Variants in SNTG2 observed in about 807,000 individuals in gnomAD.
SNTG2 encodes gamma-2-syntrophin.
Under a neutral mutation model 70.9 loss-of-function variants are expected in SNTG2, and 74 were observed. The observed-to-expected ratio is 1.04, with a 90% CI of 0.86 to 1.27. SNTG2 has a LOEUF of 1.27. Among genes scored for constraint, SNTG2 ranks in the 50% most tolerant of loss-of-function variants. The probability of loss-of-function intolerance (pLI) is 0.00; values close to 1 mark genes in which losing one functional copy is unlikely to be tolerated. For missense variants in SNTG2, 717 were observed against 690.7 expected, an observed-to-expected ratio of 1.04 and a Z score of -0.43; for synonymous variants, 278 against 273.8, an observed-to-expected ratio of 1.02 and a Z score of -0.15.
intron 1 of SNTG2, among the ~76,000 whole-genome samples, chr2:1,007,684 G>A (rs188896418): frequency 9.1e-4 from 138 of 152,302 alleles, no homozygotes; most frequent in African/African-American, 3.1e-3. Context: ...CTCAGTAAGC[G>A]TTCAGGTCTA....
intron 1 of SNTG2, among the ~76,000 whole-genome samples, chr2:1,070,722 C>T (rs768869931): frequency 2.0e-5 from 3 of 152,140 alleles, no homozygotes; most frequent in East Asian, 1.9e-4. Flanking sequence ...GTTTAAGGTC[C>T]GGAAAGGAAG....
chr2:1,071,921 C>A (rs1166989647), intron 1 of SNTG2, among the ~76,000 whole-genome samples: 1 of 152,186 alleles, frequency 6.6e-6, no homozygotes, highest in African/African-American at 2.4e-5. Context: ...TAATCCATAG[C>A]AAGGCCCTAA....
At chr2:1,265,506 C>T (rs999447066) in intron 13 of SNTG2, among the ~76,000 whole-genome samples, 1 of 152,210 alleles carries the variant, frequency 6.6e-6, no homozygotes, top group Non-Finnish European at 1.5e-5. Context: ...GCAATGCTCT[C>T]CATGATCAGA....
chr2:1,282,578 A>G (rs1679593028), intron 14 of SNTG2, among the ~76,000 whole-genome samples: 1 of 152,222 alleles, frequency 6.6e-6, no homozygotes, highest in Non-Finnish European at 1.5e-5. Context: ...AGGGGAATCC[A>G]GAGGCAGTAT....
At chr2:1,240,116 C>T (rs888301287) in intron 11 of SNTG2, among the ~76,000 whole-genome samples, 2 of 152,190 alleles carry the variant, frequency 1.3e-5, no homozygotes, top group Admixed American at 6.5e-5. Flanking sequence ...TGAGATGACA[C>T]ACCTGTGTAA....
At chr2:1,164,776 T>C (rs1237245906) in intron 6 of SNTG2, among the ~76,000 whole-genome samples, 30 of 143,172 alleles carry the variant, frequency 2.1e-4, no homozygotes, top group South Asian at 9.3e-4. Flanking sequence ...AGGTAGGAAC[T>C]TGCCCAAACT....
chr2:971,810 T>A (rs1660752420), intron 1 of SNTG2, among the ~76,000 whole-genome samples: 1 of 152,064 alleles, frequency 6.6e-6, no homozygotes, highest in Admixed American at 6.5e-5. Flanking sequence ...TATAAACTTT[T>A]GTCTTAATAC....
chr2:995,881 AG>A (rs923626360), intron 1 of SNTG2, among the ~76,000 whole-genome samples: 1 of 152,218 alleles, frequency 6.6e-6, no homozygotes, highest in Non-Finnish European at 1.5e-5. Flanking sequence ...AAACACAATC[AG>A]GAGGAGAGAG....
intron 2 of SNTG2, among the ~76,000 whole-genome samples, chr2:1,095,301 A>G (rs1336060990): frequency 6.6e-6 from 1 of 152,184 alleles, no homozygotes; most frequent in East Asian, 1.9e-4. Context: ...CTCACAGTAC[A>G]GCTCTCACTT....
intron 16 of SNTG2, among the ~76,000 whole-genome samples, chr2:1,328,794 T>C (rs1175014877): frequency 6.6e-6 from 1 of 151,956 alleles, no homozygotes; most frequent in African/African-American, 2.4e-5. Context: ...AACGTGTGTA[T>C]CCACACACAC....
rs144536914 is a variant in SNTG2, at chr2:1,019,315, G to C, written c.73-64203G>C. The stretch of plus-strand genomic sequence containing the variant: ...TTTAATCCATCAATGAGTGTGTTTA[G>C]AGCAAGAGAGGGACTAGTGATTCCA... On this transcript the variant is annotated intron_variant, in intron 1 of 16. Coordinates refer to ENST00000308624, the MANE Select transcript of SNTG2 (RefSeq NM_018968.4). Among the ~76,000 whole-genome samples the C allele has an allele frequency of 4.3e-3, 657 of 152,330 alleles. 2 individuals are homozygous for C. Among genetic ancestry groups the C allele is most frequent in the Non-Finnish European group, 7.7e-3 (527 of 68,042 alleles).
At chr2:1,215,362 G>T (rs1226737022) in intron 9 of SNTG2, among the ~76,000 whole-genome samples, 1 of 151,934 alleles carries the variant, frequency 6.6e-6, no homozygotes, top group Admixed American at 6.6e-5. Context: ...AAGACATCTG[G>T]TCTTCAGCTT....
chr2:1,361,607 G>A (rs971056210), intron 16 of SNTG2, among the ~76,000 whole-genome samples: 26 of 152,124 alleles, frequency 1.7e-4, no homozygotes, highest in African/African-American at 6.0e-4. Context: ...AGTCACCGAC[G>A]CTGAGCATTT....
At position 1,247,205 on chromosome 2, in the gene SNTG2, C is replaced by T. The variant is rs115162450; in HGVS notation, c.889-122C>T. On this transcript the variant is annotated intron_variant, in intron 11 of 16. Coordinates refer to ENST00000308624, the MANE Select transcript of SNTG2 (RefSeq NM_018968.4). ...GAAACTTGGACATCTCCACGTTTCTCCCGTCTCCTGATTCTGGGTGTGTTG... is the reference window on the plus strand; with the variant it reads ...GAAACTTGGACATCTCCACGTTTCTTCCGTCTCCTGATTCTGGGTGTGTTG... The T allele has an allele frequency of 4.0e-3, 2,435 of 609,342 alleles. 14 individuals are homozygous for T. The highest frequency in any genetic ancestry group is 7.2e-3 in the Admixed American group (257 of 35,922). The allele number at this position is 609,342 out of a possible 1,614,324, so 37.7% of individuals were successfully genotyped here.
intron 1 of SNTG2, among the ~76,000 whole-genome samples, chr2:961,281 A>G (rs1333049535): frequency 6.6e-6 from 1 of 152,148 alleles, no homozygotes; most frequent in Admixed American, 6.5e-5. Flanking sequence ...ATCTTGGCTC[A>G]CTGCAACCTC....
chr2:1,129,660 A>G (rs1248199473), intron 4 of SNTG2, among the ~76,000 whole-genome samples: 3 of 152,194 alleles, frequency 2.0e-5, no homozygotes, highest in South Asian at 2.1e-4. Context: ...TAATATGCAT[A>G]TAACTTACGG....
At chr2:1,146,967 T>C (rs1669144236) in intron 6 of SNTG2, among the ~76,000 whole-genome samples, 1 of 152,232 alleles carries the variant, frequency 6.6e-6, no homozygotes, top group Admixed American at 6.5e-5. Context: ...TATACACTTG[T>C]ACTAAGAAAA....
At position 1,145,965 on chromosome 2, in the gene SNTG2, A is replaced by T. The variant is rs1049139045; in HGVS notation, c.411+8156A>T. Among the ~76,000 whole-genome samples the T allele has an allele frequency of 1.2e-4, 18 of 152,344 alleles. 1 individual carries two copies. The highest frequency in any genetic ancestry group is 4.6e-4 in the Admixed American group (7 of 15,304). On this transcript the variant is annotated intron_variant, in intron 6 of 16. Transcript: ENST00000308624. ...GAAGAAAACCCTAATGATCATATAAATGGATGCAGGAAAAGCATTCCACAA... is the reference window on the plus strand; with the variant it reads ...GAAGAAAACCCTAATGATCATATAATTGGATGCAGGAAAAGCATTCCACAA...
At chr2:977,900 C>A (rs1055250154) in intron 1 of SNTG2, among the ~76,000 whole-genome samples, 5 of 152,226 alleles carry the variant, frequency 3.3e-5, no homozygotes, top group African/African-American at 4.8e-5. Flanking sequence ...TCTTTCATCT[C>A]AGCTCACTGG....
Sources: gnomAD v4.1 joint callset for allele counts (sites outside exome capture counted in the v4.1 genomes callset) on GRCh38, gnomAD v4.1.1 for gene constraint, MANE v1.5 for transcripts, NCBI Gene and HGNC (gene_info 2026-07-23, HGNC 2026-07-21) for gene names.